The following USP45 variants were observed in gnomAD, a reference collection of about 807,000 sequenced individuals.
USP45 encodes ubiquitin carboxyl-terminal hydrolase 45.
USP45 carries 89 observed loss-of-function variants against 95.8 expected under a neutral mutation model. The observed-to-expected ratio is 0.93, with a 90% confidence interval of 0.78 to 1.11. USP45 has a LOEUF of 1.11. Among genes scored for constraint, USP45 ranks in the 50% least tolerant of loss-of-function variants. The pLI, the probability that USP45 is intolerant of heterozygous loss-of-function variation, is 0.00. For synonymous variants in USP45, 281 were observed against 316.2 expected (o/e 0.89, Z 1.18); for missense variants, 898 against 942.5 (o/e 0.95, Z 0.62).
At chr6:99,467,248 A>T (rs1034415951) in intron 10 of USP45, among the ~76,000 whole-genome samples, 1 of 152,200 alleles carries the variant, frequency 6.6e-6, no homozygotes, top group Non-Finnish European at 1.5e-5. Context: ...CTCAGGAAAT[A>T]TTTATAAATT....
chr6:99,448,204 G>A (rs939296227), intron 13 of USP45, among the ~76,000 whole-genome samples: 1 of 152,236 alleles, frequency 6.6e-6, no homozygotes, highest in Non-Finnish European at 1.5e-5. Context: ...TGACTTTGAC[G>A]AGTTGAGAGA....
chr6:99,480,547 C>T (rs1045684977), intron 8 of USP45, among the ~76,000 whole-genome samples: 3 of 151,888 alleles, frequency 2.0e-5, no homozygotes, highest in Admixed American at 6.6e-5. Flanking sequence ...TGGTAGCGGG[C>T]GCCTGTAATC....
chr6:99,441,407 C>A (rs1273402672), intron 15 of USP45, among the ~76,000 whole-genome samples: 1 of 151,928 alleles, frequency 6.6e-6, no homozygotes, highest in African/African-American at 2.4e-5. Flanking sequence ...TGGTGGGTGC[C>A]TGTAATCTCA....
At position 99,510,215 on chromosome 6, in the gene USP45, C is replaced by T; in HGVS notation, c.6G>A (p.Arg2=). M[R]VKDPTKALPE... is the part of the protein sequence containing the mutation. The stretch of plus-strand genomic sequence containing the variant: ...GTAAAGCTTTAGTTGGATCTTTCAC[C>T]CGCATCTGTTATTTACTGAAGGGAT... Residue 2 remains arginine (R), a synonymous_variant, in exon 2 of 18, where the codon CGG becomes CGA. Transcript: ENST00000500704. 6.2e-7 allele frequency: 1 copy of T among 1,612,920 alleles called. No individual in the cohort carries two copies. Among genetic ancestry groups the T allele is most frequent in the African/African-American group, 1.3e-5 (1 of 74,982 alleles).
chr6:99,503,483 T>C (rs2128786555), intron 5 of USP45, among the ~76,000 whole-genome samples: 1 of 152,070 alleles, frequency 6.6e-6, no homozygotes, highest in African/African-American at 2.4e-5. Flanking sequence ...AGGCATGTGC[T>C]ACCGTACCCG....
chr6:99,443,495 C>T (rs1287644342), intron 15 of USP45, 70 bp downstream of exon 15: 6 of 1,044,208 alleles, frequency 5.7e-6, no homozygotes, highest in South Asian at 1.9e-5. Flanking sequence ...TAATTCTTGA[C>T]AATATTCTAT....
At chr6:99,484,753 T>G (rs1029603225) in intron 7 of USP45, among the ~76,000 whole-genome samples, 1 of 149,616 alleles carries the variant, frequency 6.7e-6, no homozygotes, top group Non-Finnish European at 1.5e-5. Flanking sequence ...ATGGCACCAC[T>G]GCACCCCAGT....
In USP45 at chr6:99,468,636, T is replaced by TA; in HGVS notation, c.934-19dup. ...TGTATTCGCTGTAAAACAAAGTTAA[T>TA]AGATTCTGGTCTAATAATAGTTAAC... On this transcript the variant is annotated intron_variant, in intron 9 of 17. Coordinates refer to ENST00000500704, the MANE Select transcript of USP45 (RefSeq NM_001346022.3). 1 of 1,544,788 alleles carries TA rather than the reference T, an allele frequency of 6.5e-7. No homozygotes were observed. The highest frequency in any genetic ancestry group is 8.9e-7 in the Non-Finnish European group (1 of 1,124,036).
At position 99,432,768 on chromosome 6, in the gene USP45, T is replaced by G. The variant is rs1298364489; in HGVS notation, c.*2948A>C. ...GAAAAATAAATTACAAACGTGAATT[T>G]TTAAAAGGAATCAGGATGTCATTTT... is the stretch of plus-strand genomic sequence containing the variant. On this transcript the variant is annotated 3_prime_UTR_variant, in exon 18 of 18. Coordinates refer to ENST00000500704, the MANE Select transcript of USP45 (RefSeq NM_001346022.3). 1 of 152,658 alleles carries G rather than the reference T, an allele frequency of 6.6e-6. No homozygotes were observed. Among genetic ancestry groups the G allele is most frequent in the African/African-American group, 2.4e-5 (1 of 41,458 alleles). 9.5% of individuals were successfully genotyped at this position (152,658 alleles called of 1,614,324 possible).
intron 5 of USP45, among the ~76,000 whole-genome samples, chr6:99,493,853 A>T (rs1795737851): frequency 6.6e-6 from 1 of 152,180 alleles, no homozygotes; most frequent in South Asian, 2.1e-4. Flanking sequence ...TATTTTGATC[A>T]TTTTGTTTTC....
At chr6:99,445,565 T>C (rs2128551370) in intron 14 of USP45, among the ~76,000 whole-genome samples, 1 of 152,190 alleles carries the variant, frequency 6.6e-6, no homozygotes, top group African/African-American at 2.4e-5. Flanking sequence ...ATTATATGGG[T>C]TTGCATTTTC....
intron 9 of USP45, among the ~76,000 whole-genome samples, chr6:99,472,057 C>CGTA (rs1447335406): frequency 6.6e-6 from 1 of 151,962 alleles, no homozygotes; most frequent in Non-Finnish European, 1.5e-5. Context: ...TGCACCATTA[C>CGTA]GACTAAACAA....
intron 9 of USP45, among the ~76,000 whole-genome samples, chr6:99,469,470 TA>T (rs1788797459): frequency 2.6e-5 from 2 of 76,296 alleles, no homozygotes; most frequent in Non-Finnish European, 5.9e-5. Flanking sequence ...AATATATATA[TA>T]ATATATATAT....
chr6:99,475,173 G>A (rs1790487994), intron 9 of USP45, among the ~76,000 whole-genome samples: 1 of 152,118 alleles, frequency 6.6e-6, no homozygotes, highest in Admixed American at 6.6e-5. Context: ...ATACTGCTTG[G>A]TCTGCATGGA....
Position 99,437,381 on chromosome 6 carries a change from T to C in USP45, c.2179A>G (p.Lys727Glu), listed in dbSNP as rs1562291883. ...ATCKNASVGD[K>E]VLYGLYGIVE... ...ATGCCATAGAGACCGTAGAGAACTT[T>C]ATCTCCCACACTTGCATTCTTTTAA... The change falls in exon 17 of 18, where the codon AAA becomes GAA. Residue 727 changes from lysine to glutamate, a missense_variant. Physicochemically the swap from Lys to Glu is moderately conservative, Grantham distance 56. Transcript: ENST00000500704. 1 of 1,600,434 alleles carries C rather than the reference T, an allele frequency of 6.2e-7. No individual in the cohort carries two copies. Among genetic ancestry groups the C allele is most frequent in the East Asian group, 2.2e-5 (1 of 44,670 alleles).
At chr6:99,498,459 AAAGT>A (rs1429673451) in intron 5 of USP45, among the ~76,000 whole-genome samples, 1 of 152,198 alleles carries the variant, frequency 6.6e-6, no homozygotes, top group Non-Finnish European at 1.5e-5. Flanking sequence ...AAACATCAAA[AAAGT>A]GTGTTATTAG....
Position 99,434,703 on chromosome 6 carries a change from T to C in USP45, c.*1013A>G, listed in dbSNP as rs977382804. 5 of 152,220 alleles carry C rather than the reference T, an allele frequency of 3.3e-5. No individual in the cohort carries two copies. Among genetic ancestry groups the C allele is most frequent in the African/African-American group, 1.2e-4 (5 of 41,456 alleles). The allele number at this position is 152,220 out of a possible 1,614,324, so 9.4% of individuals were successfully genotyped here. On this transcript the variant is annotated 3_prime_UTR_variant, in exon 18 of 18. Coordinates refer to ENST00000500704, the MANE Select transcript of USP45 (RefSeq NM_001346022.3). ...TTCAAAACCCCAAAACTGTGTTTAG[T>C]ATTTACAAGAAGTAGAAAAAGTATA...
At chr6:99,509,707 T>C (rs1799356625) in intron 2 of USP45, among the ~76,000 whole-genome samples, 1 of 149,372 alleles carries the variant, frequency 6.7e-6, no homozygotes, top group Non-Finnish European at 1.5e-5. Context: ...AAAATCCTAA[T>C]AAAAATGCCA....
chr6:99,508,598 T>C lies in USP45; in HGVS notation c.273+12A>G. On this transcript the variant is annotated intron_variant, in intron 3 of 17. Transcript: ENST00000500704. ...TTCAGACAAACTCACATATAAATAATACTTTTCTTACCTGGAAGCCACACT... is the reference window on the plus strand; with the variant it reads ...TTCAGACAAACTCACATATAAATAACACTTTTCTTACCTGGAAGCCACACT... 6.2e-7 allele frequency: 1 copy of C among 1,607,918 alleles called. No individual in the cohort carries two copies. Among genetic ancestry groups the C allele is most frequent in the Non-Finnish European group, 8.5e-7 (1 of 1,177,948 alleles).
Sources: allele counts gnomAD v4.1 joint callset (sites outside exome capture counted in the v4.1 genomes callset), GRCh38; gene constraint gnomAD v4.1.1; transcripts MANE v1.5; gene names NCBI Gene and HGNC (gene_info 2026-07-23, HGNC 2026-07-21).